The following KLF16 variants were observed in gnomAD, a reference collection of about 807,000 sequenced individuals.
The protein encoded by KLF16 is KLF transcription factor 16.
Under a neutral mutation model 6.1 loss-of-function variants are expected in KLF16, and 6 were observed. That is an observed-to-expected ratio of 0.98 (90% CI 0.54 to 1.93). The LOEUF (loss-of-function observed/expected upper bound fraction) is 1.93, where lower values mean the gene tolerates loss of function less well. KLF16 is among the 30% of genes most tolerant of loss of function. KLF16 has a pLI of 0.01. For missense variants in KLF16, 355 were observed against 363.8 expected (o/e 0.98, Z 0.20); for synonymous variants, 211 against 176.5 (o/e 1.20, Z -1.55).
chr19:1,870,222 A>G, the KLF16 span, among the ~76,000 whole-genome samples: 39 of 151,684 alleles, frequency 2.6e-4, no homozygotes, highest in African/African-American at 8.7e-4. Context: ...GAGCCACCAC[A>G]CCCGGCCAAA....
intron 1 of KLF16, 95 bp downstream of exon 1, chr19:1,862,946 C>A (rs1472177342): frequency 1.3e-6 from 1 of 748,320 alleles, no homozygotes; most frequent in Non-Finnish European, 1.7e-6. Context: ...CGCCCCCCTC[C>A]CCGCCCCCCA....
At chr19:1,873,393 C>T in the KLF16 span, among the ~76,000 whole-genome samples, 1 of 152,228 alleles carries the variant, frequency 6.6e-6, no homozygotes, top group Non-Finnish European at 1.5e-5. Flanking sequence ...CTCTGCCACA[C>T]CCACAGCCAT....
At chr19:1,858,916 C>G (rs1482767182) in intron 1 of KLF16, among the ~76,000 whole-genome samples, 1 of 152,096 alleles carries the variant, frequency 6.6e-6, no homozygotes, top group African/African-American at 2.4e-5. Context: ...ATCTGGGCTG[C>G]TTTTATCAGA....
In KLF16 at chr19:1,857,048, G is replaced by A. The variant is rs2011967520; in HGVS notation, c.458-2288C>T. 6.7e-6 allele frequency among the ~76,000 whole-genome samples: 1 copy of A among 148,486 alleles called. No homozygotes were observed. The highest frequency in any genetic ancestry group is 1.5e-5 in the Non-Finnish European group (1 of 67,680). On this transcript the variant is annotated intron_variant, in intron 1 of 1. Coordinates refer to ENST00000250916, the MANE Select transcript of KLF16 (RefSeq NM_031918.4). This position sits in a 1 kb window ranked among gnomAD's most constrained non-coding sequence, Gnocchi z 4.7. ...GGCGGCGGGGACATCCGCAGCCCCAGCCGGCCCCGCTCACGTGGTCCCACT... is the reference window on the plus strand; with the variant it reads ...GGCGGCGGGGACATCCGCAGCCCCAACCGGCCCCGCTCACGTGGTCCCACT...
At chr19:1,856,061 C>T (rs2011942779) in intron 1 of KLF16, among the ~76,000 whole-genome samples, 1 of 152,208 alleles carries the variant, frequency 6.6e-6, no homozygotes, top group Admixed American at 6.5e-5. Flanking sequence ...ACAAACTGGG[C>T]AGCCCACGCC....
rs1352981847 is a variant in KLF16 at position 1,863,344 on chromosome 19, AGGC to A, written c.151_153del (p.Ala51del). 1 of 979,286 alleles carries A rather than the reference AGGC, an allele frequency of 1.0e-6. No individual in the cohort carries two copies. Among genetic ancestry groups the A allele is most frequent in the African/African-American group, 1.8e-5 (1 of 55,674 alleles). 60.7% of individuals were successfully genotyped at this position (979,286 alleles called of 1,614,324 possible). ...GGGGGTGGCCCCGGGGTCCCGGGTGAGGCGGCCTCGCGGCGCGCCGCGCGCACA... is the reference window on the plus strand; with the variant it reads ...GGGGGTGGCCCCGGGGTCCCGGGTGAGGCCTCGCGGCGCGCCGCGCGCACA... On this transcript the variant is annotated inframe_deletion, in exon 1 of 2. Transcript: ENST00000250916.
chr19:1,876,466 C>T, the KLF16 span, among the ~76,000 whole-genome samples: 1 of 152,228 alleles, frequency 6.6e-6, no homozygotes, highest in Admixed American at 6.5e-5. Context: ...AGTGTCGGCT[C>T]CCTCTTCCAG....
the KLF16 span, among the ~76,000 whole-genome samples, chr19:1,870,443 G>A: frequency 7.9e-5 from 12 of 152,084 alleles, 1 homozygote; most frequent in Middle Eastern, 3.4e-3. Context: ...AGGCCAAGGC[G>A]GGAGAATCGC....
chr19:1,874,003 G>A, the KLF16 span, among the ~76,000 whole-genome samples: 1 of 152,250 alleles, frequency 6.6e-6, no homozygotes, highest in East Asian at 1.9e-4. Flanking sequence ...AATATCCACA[G>A]CCCGCAGGGA....
chr19:1,867,483 G>A (rs1012713257), upstream of KLF16, among the ~76,000 whole-genome samples: 8 of 152,216 alleles, frequency 5.3e-5, no homozygotes, highest in Non-Finnish European at 1.2e-4. Flanking sequence ...GCCGAGGCGG[G>A]AGGATTGCTT....
the KLF16 span, among the ~76,000 whole-genome samples, chr19:1,870,068 G>C: frequency 6.6e-6 from 1 of 151,522 alleles, no homozygotes; most frequent in African/African-American, 2.4e-5. Flanking sequence ...GAGTAGCTGG[G>C]ATTACAGGCA....
chr19:1,858,759 C>T lies in KLF16; in HGVS notation c.458-3999G>A, dbSNP rs559684621. Among the ~76,000 whole-genome samples, 6 of 152,256 alleles carry T rather than the reference C, an allele frequency of 3.9e-5. No individual in the cohort carries two copies. In the South Asian group the frequency reaches 1.2e-3, roughly 32 times the overall value. On this transcript the variant is annotated intron_variant, in intron 1 of 1. Coordinates refer to ENST00000250916, the MANE Select transcript of KLF16 (RefSeq NM_031918.4). ...CCAGGCCAGGACCTCCTGCACCAGA[C>T]TCTGGGTACCTGGGGGTCGGCAGGG... is the stretch of plus-strand genomic sequence containing the variant.
intron 1 of KLF16, among the ~76,000 whole-genome samples, chr19:1,862,258 C>T (rs2012080807): frequency 6.6e-6 from 1 of 152,216 alleles, no homozygotes; most frequent in South Asian, 2.1e-4. Flanking sequence ...ACCAGGCTCC[C>T]GGTTCCCCTC....
chr19:1,856,884 C>G lies in KLF16; in HGVS notation c.458-2124G>C, dbSNP rs76999465. ...CAGTCAGTTGGTTCACTTCCCCTTT[C>G]AGGGCGGCGGGGCTGGTCTCCACTC... is the stretch of plus-strand genomic sequence containing the variant. On this transcript the variant is annotated intron_variant, in intron 1 of 1. Coordinates refer to ENST00000250916, the MANE Select transcript of KLF16 (RefSeq NM_031918.4). Among the ~76,000 whole-genome samples the G allele has an allele frequency of 5.3e-3, 778 of 147,216 alleles. 7 individuals are homozygous for G. The highest frequency in any genetic ancestry group is 0.019 in the African/African-American group (751 of 39,384).
At chr19:1,873,025 G>A in the KLF16 span, among the ~76,000 whole-genome samples, 15 of 152,230 alleles carry the variant, frequency 9.9e-5, no homozygotes, top group East Asian at 7.7e-4. Context: ...AAGAGGAGGC[G>A]CCTGCTCCCA....
At chr19:1,864,623 C>G (rs1162349719), upstream of KLF16, among the ~76,000 whole-genome samples, 1 of 152,182 alleles carries the variant, frequency 6.6e-6, no homozygotes, top group African/African-American at 2.4e-5. Flanking sequence ...AGAGGTTCCC[C>G]GCCCTGCTGG....
chr19:1,862,696 C>A (rs1475512850), intron 1 of KLF16: 3 of 263,132 alleles, frequency 1.1e-5, no homozygotes, highest in Non-Finnish European at 2.2e-5. Context: ...CGGTGCCCAC[C>A]GCCCAGACCA....
In KLF16 at chr19:1,863,107, AG is replaced by A; in HGVS notation, c.390del (p.Phe131SerfsTer14). On this transcript the variant is annotated frameshift_variant, in exon 1 of 2. Coordinates refer to ENST00000250916, the MANE Select transcript of KLF16 (RefSeq NM_031918.4). LOFTEE classifies it high-confidence loss of function. ...TAGTAGGCTTTGGCGCAGTCCGGGA[AG>A]GGACAGCGGTGGCTCTTGGCGGCGG... ...PSAAAKSHRCPFPDCAKAYYK... is the reference protein window; with the variant it reads ...PSAAAKSHRCXFPDCAKAYYK... The A allele has an allele frequency of 7.2e-7, 1 of 1,393,334 alleles. No homozygotes were observed. Among genetic ancestry groups the A allele is most frequent in the Non-Finnish European group, 9.5e-7 (1 of 1,054,678 alleles). The allele number at this position is 1,393,334 out of a possible 1,614,324, so 86.3% of individuals were successfully genotyped here.
chr19:1,863,824 C>T (rs1482312551), upstream of KLF16, among the ~76,000 whole-genome samples: 4 of 144,644 alleles, frequency 2.8e-5, no homozygotes, highest in Non-Finnish European at 4.6e-5. Flanking sequence ...GAGGAACCCG[C>T]CCCCCGGCGC....
Sources: allele counts gnomAD v4.1 joint callset (sites outside exome capture counted in the v4.1 genomes callset), GRCh38; gene constraint gnomAD v4.1.1; non-coding constraint Gnocchi (gnomAD v3.1); transcripts MANE v1.5; gene names NCBI Gene and HGNC (gene_info 2026-07-23, HGNC 2026-07-21).